Variants in GCNA observed in about 807,000 individuals in gnomAD.
GCNA encodes the protein germ cell nuclear acidic protein.
In GCNA, 3 loss-of-function variants were observed where a neutral mutation model predicts 38.8. The observed-to-expected ratio is 0.08, with a 90% CI of 0.04 to 0.20. The LOEUF is 0.20. Ranked by LOEUF, GCNA falls within the 10% of genes least tolerant of loss-of-function variation. The pLI, the probability that GCNA is intolerant of heterozygous loss-of-function variation, is 1.00. For synonymous variants in GCNA, 195 were observed against 240.2 expected, an observed-to-expected ratio of 0.81 and a Z score of 1.74; for missense variants, 446 against 578.6, an observed-to-expected ratio of 0.77 and a Z score of 2.35.
chrX:71,612,352 A>C lies in GCNA; in HGVS notation c.1751-3A>C, dbSNP rs1452433522. ...TCACATTTCTTTTCATTCTTCTTTC[A>C]AGACCGAATCCGGGATACCTTGATC... On this transcript the variant is annotated splice_polypyrimidine_tract_variant and splice_region_variant and intron_variant, in intron 11 of 12. Transcript: ENST00000373696. The C allele has an allele frequency of 8.4e-7, 1 of 1,184,264 alleles. No homozygotes were observed. Among genetic ancestry groups the C allele is most frequent in the Non-Finnish European group, 1.1e-6 (1 of 877,746 alleles).
intron 2 of GCNA, among the ~76,000 whole-genome samples, chrX:71,585,582 G>A (rs2040579405): frequency 9.0e-6 from 1 of 110,537 alleles, no homozygotes. Context: ...GATAGCTCTT[G>A]AGGCCAGACA....
intron 2 of GCNA, among the ~76,000 whole-genome samples, chrX:71,591,762 C>A (rs144526198): frequency 8.9e-6 from 1 of 112,358 alleles, no homozygotes; most frequent in African/African-American, 3.2e-5. Context: ...CGCTCAGCCT[C>A]CCAAGTTGGT....
At position 71,612,500 on chromosome X, in the gene GCNA, T is replaced by C. The variant is rs1186659423; in HGVS notation, c.1896T>C (p.Arg632=). ...ACCCGGAGCTGCCCAGGGTCACCCG[T>C]TGCCATAACTATAAGATTAACTACA... ...RIHPELPRVT[R]CHNYKINYKV... The change falls in exon 12 of 13, where the codon CGT becomes CGC. Residue 632 remains arginine, a synonymous_variant. Transcript: ENST00000373696. 10 of 1,210,359 alleles carry C rather than the reference T, an allele frequency of 8.3e-6. No homozygotes were observed. Among genetic ancestry groups the C allele is most frequent in the Non-Finnish European group, 1.1e-5 (10 of 895,144 alleles).
intron 11 of GCNA, among the ~76,000 whole-genome samples, chrX:71,611,723 C>T (rs1234317113): frequency 9.0e-6 from 1 of 111,216 alleles, no homozygotes; most frequent in Non-Finnish European, 1.9e-5. Flanking sequence ...ATCTCTGTTC[C>T]TGGAGGGCAG....
rs369898151 is a variant in GCNA at position 71,579,341 on chromosome X, G to A, written c.-3+819G>A. Among the ~76,000 whole-genome samples, 12 of 93,317 alleles carry A rather than the reference G, an allele frequency of 1.3e-4. No homozygotes were observed. The South Asian group carries it at 4.0e-3, about 31-fold the overall frequency. The allele number at this position is 93,317 out of a possible 115,157, so 81.0% of individuals were successfully genotyped here. A position where few individuals can be genotyped will look rare whatever the true frequency, so the allele number is the denominator to read the frequency against. ...TGGTGGCATAGGAGCACATAGTAGCGCTGGCGGTGTGGGGAGAAGTGGAGG... is the reference window on the plus strand; with the variant it reads ...TGGTGGCATAGGAGCACATAGTAGCACTGGCGGTGTGGGGAGAAGTGGAGG... On this transcript the variant is annotated intron_variant, in intron 1 of 12. Transcript: ENST00000373696.
intron 2 of GCNA, among the ~76,000 whole-genome samples, chrX:71,587,149 T>C (rs1035292360): frequency 1.6e-4 from 18 of 110,422 alleles, no homozygotes; most frequent in Middle Eastern, 4.6e-3. Context: ...TGGTCTTTGA[T>C]AGTGGTAGGG....
At chrX:71,604,841 A>G (rs2040756042) in intron 8 of GCNA, among the ~76,000 whole-genome samples, 165 bp downstream of exon 8, 1 of 112,262 alleles carries the variant, frequency 8.9e-6, no homozygotes, top group Admixed American at 9.4e-5. Context: ...TGGTTCTGGG[A>G]ACAGGGGAGG....
At chrX:71,603,462 C>T (rs967650916) in intron 7 of GCNA, 126 bp from the exon 8 acceptor site, 8 of 985,129 alleles carry the variant, frequency 8.1e-6, no homozygotes, top group African/African-American at 1.9e-5. Context: ...CGATTCTTAA[C>T]TGCTATTCAA....
chrX:71,602,331 C>G (rs1464808546), intron 7 of GCNA, among the ~76,000 whole-genome samples: 3 of 111,472 alleles, frequency 2.7e-5, no homozygotes, highest in Non-Finnish European at 5.7e-5. Flanking sequence ...GGACCACAGG[C>G]ACACATCACC....
chrX:71,601,992 T>A (rs771551724), intron 7 of GCNA, among the ~76,000 whole-genome samples: 2 of 112,086 alleles, frequency 1.8e-5, no homozygotes, highest in Admixed American at 1.9e-4. Context: ...TTTGCTGAAT[T>A]GTATGGTAGG....
chrX:71,608,115 A>G lies in GCNA; in HGVS notation c.1467-858A>G, dbSNP rs769838538. On this transcript the variant is annotated intron_variant, in intron 9 of 12. Transcript: ENST00000373696. ...TGAGAAGAGACAGAGCCTGGAGGTAAGGAACACTGGAGTGTTCTCATATCT... is the reference window on the plus strand; with the variant it reads ...TGAGAAGAGACAGAGCCTGGAGGTAGGGAACACTGGAGTGTTCTCATATCT... Among the ~76,000 whole-genome samples, 5 of 111,381 alleles carry G rather than the reference A, an allele frequency of 4.5e-5. No individual in the cohort carries two copies. The East Asian group carries it at 8.5e-4, about 19-fold the overall frequency.
At position 71,603,619 on chromosome X, in the gene GCNA, T is replaced by A; in HGVS notation, c.342T>A (p.Pro114=). The A allele has an allele frequency of 8.3e-7, 1 of 1,211,490 alleles. No homozygotes were observed. The highest frequency in any genetic ancestry group is 1.8e-5 in the South Asian group (1 of 56,885). The part of the protein sequence containing the change: ...DESPECCHVK[P]AIQEPPIVIS... The stretch of plus-strand genomic sequence containing the variant: ...GTCCGGAGTGTTGTCATGTGAAGCC[T>A]GCCATCCAGGAACCTCCAATAGTTA... Residue 114 remains proline (P), a synonymous_variant, in exon 8 of 13, where the codon CCT becomes CCA. Coordinates refer to ENST00000373696, the MANE Select transcript of GCNA (RefSeq NM_052957.5).
intron 6 of GCNA, 27 bp downstream of exon 6, chrX:71,594,806 A>C (rs201934890): frequency 4.4e-6 from 5 of 1,128,680 alleles, no homozygotes; most frequent in Non-Finnish European, 5.8e-6. Context: ...ATGAAACTTT[A>C]CTTTTTTTTT....
chrX:71,612,208 G>A lies in GCNA; in HGVS notation c.1751-147G>A. On this transcript the variant is annotated intron_variant, in intron 11 of 12. Transcript: ENST00000373696. ...CAGGAGAATCACTTGAAACCGGGAGGTGGAGGTTGCAGTGAGCTGAGATCA... is the reference window on the plus strand; with the variant it reads ...CAGGAGAATCACTTGAAACCGGGAGATGGAGGTTGCAGTGAGCTGAGATCA... 3 of 434,663 alleles carry A rather than the reference G, an allele frequency of 6.9e-6. No homozygotes were observed. In the East Asian group the frequency reaches 1.2e-4, roughly 18 times the overall value. The allele number at this position is 434,663 out of a possible 1,213,427, so 35.8% of individuals were successfully genotyped here.
chrX:71,612,743 C>T, intron 12 of GCNA, 119 bp from the exon 13 acceptor site: 1 of 1,068,974 alleles, frequency 9.4e-7, no homozygotes, highest in Non-Finnish European at 1.3e-6. Context: ...CCGCTTGGTG[C>T]CCGGGTCTCT....
chrX:71,579,876 TG>T (rs1267274083), intron 1 of GCNA, among the ~76,000 whole-genome samples: 1 of 103,295 alleles, frequency 9.7e-6, no homozygotes, highest in Admixed American at 1.1e-4. Flanking sequence ...AGGAAGGAGT[TG>T]GGGAGGGGTC....
rs372385736 is a variant in GCNA at position 71,604,347 on chromosome X, C to G, written c.1070C>G (p.Ala357Gly). Reference sequence around the variant, plus strand: ...TCAGATGAAGAAGAGCTGGTTGAGGCTGCTGCTGCTGTCTCCCAGCATGAT... The same window carrying G: ...TCAGATGAAGAAGAGCTGGTTGAGGGTGCTGCTGCTGTCTCCCAGCATGAT... ...IASDEEELVEAAAAVSQHDSS... is the reference protein window; with the variant it reads ...IASDEEELVEGAAAVSQHDSS... The change falls in exon 8 of 13, where the codon GCT becomes GGT. Residue 357 changes from alanine (A) to glycine (G), a missense_variant. Physicochemically the swap from Ala to Gly is moderately conservative, Grantham distance 60. Around this residue, in one of 7 missense-constraint regions of GCNA, gnomAD observed 160 missense variants for 165.2 expected, o/e 0.97. Coordinates refer to ENST00000373696, the MANE Select transcript of GCNA (RefSeq NM_052957.5). The G allele has an allele frequency of 2.6e-5, 31 of 1,210,150 alleles. No individual in the cohort carries two copies. In the South Asian group the frequency reaches 3.3e-4, roughly 13 times the overall value.
chrX:71,600,722 T>G (rs748958606), intron 7 of GCNA, among the ~76,000 whole-genome samples: 2 of 112,156 alleles, frequency 1.8e-5, no homozygotes, highest in South Asian at 7.4e-4. Context: ...TGTATATATT[T>G]ATGGGGTACA....
At chrX:71,591,674 G>T (rs1428580462) in intron 2 of GCNA, among the ~76,000 whole-genome samples, 2 of 107,345 alleles carry the variant, frequency 1.9e-5, no homozygotes, top group Admixed American at 2.0e-4. Context: ...GGGTCTTGCT[G>T]TGTCGCCCAC....
Sources: gnomAD v4.1 joint callset for allele counts (sites outside exome capture counted in the v4.1 genomes callset) on GRCh38, gnomAD v4.1.1 for gene constraint, gnomAD v4.1.1 regional missense constraint, MANE v1.5 for transcripts, NCBI Gene and HGNC (gene_info 2026-07-23, HGNC 2026-07-21) for gene names.